The following CARMIL1 variants were observed in gnomAD, a reference collection of about 807,000 sequenced individuals.
The protein encoded by CARMIL1 is capping protein regulator and myosin 1 linker 1, also known as F-actin-uncapping protein LRRC16A.
In CARMIL1, 90 loss-of-function variants were observed where a neutral mutation model predicts 177.1. The ratio of observed to expected loss-of-function variants is 0.51; its 90% CI spans 0.43 to 0.61. The LOEUF is 0.61. Among genes scored for constraint, CARMIL1 ranks in the 20% least tolerant of loss-of-function variants. CARMIL1 has a pLI of 0.00. For synonymous variants in CARMIL1, 577 were observed against 606.2 expected (o/e 0.95, Z 0.71); for missense variants, 1,380 against 1,667.0 (o/e 0.83, Z 3.00).
chr6:25,421,778 CCAAACA>C (rs1439039036), intron 3 of CARMIL1, among the ~76,000 whole-genome samples: 2 of 148,350 alleles, frequency 1.3e-5, no homozygotes, highest in Non-Finnish European at 3.0e-5. Flanking sequence ...GGACAAAAAA[CCAAACA>C]CCGCATGTTC....
chr6:25,471,807 G>A (rs115916396), intron 10 of CARMIL1, among the ~76,000 whole-genome samples: 2,142 of 152,178 alleles, frequency 0.014, 33 homozygotes, highest in Middle Eastern at 0.044. Context: ...CACTTGCATA[G>A]TCTTTATCTA....
In CARMIL1 at chr6:25,515,736, A is replaced by G. The variant is rs534385425; in HGVS notation, c.1694A>G (p.Asn565Ser). 1.9e-6 allele frequency: 3 copies of G among 1,610,952 alleles called. No homozygotes were observed. The highest frequency in any genetic ancestry group is 2.2e-5 in the East Asian group (1 of 44,786). Residue 565 changes from asparagine to serine, a missense_variant, in exon 21 of 37, where the codon AAT (asparagine) becomes AGT (serine). Coordinates refer to ENST00000329474, the MANE Select transcript of CARMIL1 (RefSeq NM_017640.6). This position sits in a 1 kb window ranked among gnomAD's most constrained non-coding sequence, Gnocchi z 5.0. ...AAGACTGAGGTCACCATCATCATCA[A>G]TGCCCTGGGAAGCAACACCTCCCTG... ...KLKTEVTIII[N>S]ALGSNTSLTK...
At chr6:25,306,638 T>C (rs1449471575) in intron 2 of CARMIL1, among the ~76,000 whole-genome samples, 1 of 152,230 alleles carries the variant, frequency 6.6e-6, no homozygotes, top group Non-Finnish European at 1.5e-5. Context: ...TTTTTAATGC[T>C]GAATAATATT....
At chr6:25,494,828 A>G (rs1441697004) in intron 15 of CARMIL1, among the ~76,000 whole-genome samples, 1 of 152,202 alleles carries the variant, frequency 6.6e-6, no homozygotes. Flanking sequence ...AAAAATTCCA[A>G]ACCTGGAGTT....
At chr6:25,572,495 A>T (rs767450748) in intron 29 of CARMIL1, among the ~76,000 whole-genome samples, 1 of 151,898 alleles carries the variant, frequency 6.6e-6, no homozygotes, top group Admixed American at 6.6e-5. Context: ...GAGCTCAGGA[A>T]TTGGAGACCA....
intron 15 of CARMIL1, among the ~76,000 whole-genome samples, chr6:25,494,437 A>G (rs1213600670): frequency 2.0e-5 from 3 of 152,166 alleles, no homozygotes; most frequent in Non-Finnish European, 2.9e-5. Flanking sequence ...CTTATCATAT[A>G]GTGTTGATGC....
intron 29 of CARMIL1, among the ~76,000 whole-genome samples, chr6:25,568,435 G>A (rs1811762063): frequency 6.6e-6 from 1 of 152,152 alleles, no homozygotes; most frequent in African/African-American, 2.4e-5. Flanking sequence ...CTGGCTAAGG[G>A]TGGAGCCTTA....
Position 25,570,565 on chromosome 6 carries a change from A to G in CARMIL1, c.2743-10359A>G, listed in dbSNP as rs1345727537. The stretch of plus-strand genomic sequence containing the variant: ...TTCCTGGAGAAAATGTGACAAAGGA[A>G]GATAAATATTTTGTATCAAAAAACT... On this transcript the variant is annotated intron_variant, in intron 29 of 36. Coordinates refer to ENST00000329474, the MANE Select transcript of CARMIL1 (RefSeq NM_017640.6). 2.6e-5 allele frequency among the ~76,000 whole-genome samples: 4 copies of G among 152,350 alleles called. No homozygotes were observed. The East Asian group carries it at 7.7e-4, about 29-fold the overall frequency.
chr6:25,444,515 C>T (rs1798042539), intron 5 of CARMIL1, among the ~76,000 whole-genome samples: 1 of 152,008 alleles, frequency 6.6e-6, no homozygotes, highest in Admixed American at 6.6e-5. Context: ...CTAATACTAT[C>T]CCTCCCCCAG....
At chr6:25,518,451 T>C (rs2151071461) in intron 22 of CARMIL1, among the ~76,000 whole-genome samples, 1 of 152,314 alleles carries the variant, frequency 6.6e-6, no homozygotes, top group South Asian at 2.1e-4. Flanking sequence ...CATTACAAAA[T>C]CACAGAGACT....
At position 25,299,170 on chromosome 6, in the gene CARMIL1, C is replaced by CT. The variant is rs565622591; in HGVS notation, c.138+14279dup. Among the ~76,000 whole-genome samples the CT allele has an allele frequency of 4.0e-3, 472 of 118,036 alleles. 1 individual carries two copies. Among genetic ancestry groups the CT allele is most frequent in the Admixed American group, 4.7e-3 (56 of 11,814 alleles). The allele number at this position is 118,036 out of a possible 152,430, so 77.4% of individuals were successfully genotyped here. ...GAAGGATTCCTGGGCATGCTGGATT[C>CT]TTTTTTTTTTTTTTTTTTGGGAAAG... On this transcript the variant is annotated intron_variant, in intron 2 of 36. Transcript: ENST00000329474.
In CARMIL1 at chr6:25,279,812, C is replaced by T. The variant is rs781638799; in HGVS notation, c.17C>T (p.Ser6Phe). ...AGGGCAACCATGACCGAGGAGAGCT[C>T]TGACGTTCCCAGGGAGTTGATAGGT... MTEES[S>F]DVPRELIESI... The change falls in exon 1 of 37, where the codon TCT (serine) becomes TTT (phenylalanine). Residue 6 changes from serine (S) to phenylalanine (F), a missense_variant. Coordinates refer to ENST00000329474, the MANE Select transcript of CARMIL1 (RefSeq NM_017640.6). The T allele has an allele frequency of 1.9e-6, 3 of 1,613,898 alleles. No individual in the cohort carries two copies. Among genetic ancestry groups the T allele is most frequent in the African/African-American group, 2.7e-5 (2 of 74,930 alleles).
At chr6:25,521,487 TG>T (rs1315563700) in intron 23 of CARMIL1, among the ~76,000 whole-genome samples, 1 of 152,158 alleles carries the variant, frequency 6.6e-6, no homozygotes, top group African/African-American at 2.4e-5. Flanking sequence ...ATAAAGAATG[TG>T]GATGGGCGCG....
chr6:25,355,154 A>G (rs1788468667), intron 2 of CARMIL1, among the ~76,000 whole-genome samples: 1 of 152,208 alleles, frequency 6.6e-6, no homozygotes, highest in Non-Finnish European at 1.5e-5. Context: ...TTGGTTTCCT[A>G]CATAGGACTT....
intron 2 of CARMIL1, among the ~76,000 whole-genome samples, chr6:25,390,573 C>T (rs1053330070): frequency 1.3e-5 from 2 of 151,820 alleles, no homozygotes. Flanking sequence ...CTGCCTGCCT[C>T]AGCCTCCCAA....
rs1784895322 is a variant in CARMIL1 at position 25,324,183 on chromosome 6, G to A, written c.138+39274G>A. 1.3e-5 allele frequency among the ~76,000 whole-genome samples: 2 copies of A among 152,228 alleles called. 1 individual carries two copies. The highest frequency in any genetic ancestry group is 2.9e-5 in the Non-Finnish European group (2 of 68,034). On this transcript the variant is annotated intron_variant, in intron 2 of 36. Coordinates refer to ENST00000329474, the MANE Select transcript of CARMIL1 (RefSeq NM_017640.6). ...CTCCTGTCTGCTGCTGCCACAGAGG[G>A]TAGCAAATCCCATGCTAGGCGTGGA...
chr6:25,313,307 C>T (rs964232301), intron 2 of CARMIL1, among the ~76,000 whole-genome samples: 10 of 152,170 alleles, frequency 6.6e-5, no homozygotes. Context: ...CTTGACAGCG[C>T]CTGCAGCCTG....
chr6:25,482,393 C>A, intron 12 of CARMIL1, 50 bp downstream of exon 12: 1 of 791,214 alleles, frequency 1.3e-6, no homozygotes, highest in Non-Finnish European at 2.0e-6. Context: ...ATTTCTGCTG[C>A]ACCTGCTACC....
chr6:25,429,040 G>A (rs142399566), intron 4 of CARMIL1, among the ~76,000 whole-genome samples: 85 of 152,128 alleles, frequency 5.6e-4, no homozygotes, highest in African/African-American at 2.0e-3. Context: ...ATTGCTATTG[G>A]GAGATATTCC....
Sources: allele counts gnomAD v4.1 joint callset (sites outside exome capture counted in the v4.1 genomes callset), GRCh38; gene constraint gnomAD v4.1.1; non-coding constraint Gnocchi (gnomAD v3.1); transcripts MANE v1.5; gene names NCBI Gene and HGNC (gene_info 2026-07-23, HGNC 2026-07-21).